The following RBPJ variants were observed in gnomAD, a reference collection of about 807,000 sequenced individuals.
The protein encoded by RBPJ is recombining binding protein suppressor of hairless.
In RBPJ, 9 loss-of-function variants were observed where a neutral mutation model predicts 67.8. The observed-to-expected ratio is 0.13, with a 90% confidence interval of 0.08 to 0.23. RBPJ has a LOEUF of 0.23. Ranked by LOEUF, RBPJ falls within the 10% of genes least tolerant of loss-of-function variation. The pLI is 1.00. For synonymous variants in RBPJ, 198 were observed against 203.3 expected (o/e 0.97, Z 0.22); for missense variants, 305 against 595.6 (o/e 0.51, Z 5.08).
At chr4:26,329,283 G>A (rs536309252) in intron 1 of RBPJ, among the ~76,000 whole-genome samples, 3 of 152,266 alleles carry the variant, frequency 2.0e-5, no homozygotes, top group Non-Finnish European at 2.9e-5. Context: ...ATGAGCCACC[G>A]TTCCTGGCGG....
At position 26,434,718 on chromosome 4, in the gene RBPJ, C is replaced by T. The variant is rs1307268040; in HGVS notation, c.*3711C>T. On this transcript the variant is annotated 3_prime_UTR_variant, in exon 11 of 11. Coordinates refer to ENST00000355476, the MANE Select transcript of RBPJ (RefSeq NM_015874.6). ...CTTATTTCTTGTACCTTGCAGCATG[C>T]TCTACGCATTCAGTCCTTAAGGGGT... 1 of 152,180 alleles carries T rather than the reference C, an allele frequency of 6.6e-6. No individual in the cohort carries two copies. Among genetic ancestry groups the T allele is most frequent in the Non-Finnish European group, 1.5e-5 (1 of 68,026 alleles). The allele number at this position is 152,180 out of a possible 1,614,324, so 9.4% of individuals were successfully genotyped here.
the RBPJ span, among the ~76,000 whole-genome samples, chr4:26,109,481 T>TACACACACAC: frequency 7.6e-5 from 4 of 52,642 alleles, no homozygotes; most frequent in African/African-American, 1.9e-4. Context: ...TATATATATA[T>TACACACACAC]ATATATATAT....
chr4:26,415,077 T>C (rs1245627967), intron 3 of RBPJ, among the ~76,000 whole-genome samples: 1 of 152,204 alleles, frequency 6.6e-6, no homozygotes, highest in Admixed American at 6.5e-5. Flanking sequence ...TCATTAATGA[T>C]TGTGTCATTT....
chr4:26,397,044 T>C (rs1228709633), intron 2 of RBPJ, among the ~76,000 whole-genome samples: 1 of 152,248 alleles, frequency 6.6e-6, no homozygotes, highest in East Asian at 1.9e-4. Flanking sequence ...AACAAGGAGA[T>C]CTTAGTCTGG....
intron 1 of RBPJ, among the ~76,000 whole-genome samples, chr4:26,255,654 T>G (rs796601337): frequency 8.4e-4 from 119 of 142,124 alleles, no homozygotes; most frequent in Middle Eastern, 4.1e-3. Context: ...TACAAAAAAT[T>G]AGCCAGGCGT....
chr4:26,291,764 CAG>C (rs1383725097), intron 1 of RBPJ, among the ~76,000 whole-genome samples: 1 of 150,368 alleles, frequency 6.7e-6, no homozygotes, highest in Non-Finnish European at 1.5e-5. Context: ...TTAATAGAGA[CAG>C]GGTTTCACCA....
intron 1 of RBPJ, among the ~76,000 whole-genome samples, chr4:26,271,710 GATGAT>G (rs1021451490): frequency 6.6e-6 from 1 of 152,134 alleles, no homozygotes; most frequent in Non-Finnish European, 1.5e-5. Context: ...TCATTTTGGG[GATGAT>G]ATTTCCTGAA....
chr4:26,255,403 CAAAAAAAAA>C (rs766336628), intron 1 of RBPJ, among the ~76,000 whole-genome samples: 2 of 34,550 alleles, frequency 5.8e-5, no homozygotes, highest in African/African-American at 1.5e-4. Context: ...GACTCCGTCT[CAAAAAAAAA>C]AAAAAAAAAA....
chr4:26,323,500 T>C (rs1471544444), intron 1 of RBPJ, among the ~76,000 whole-genome samples: 1 of 152,192 alleles, frequency 6.6e-6, no homozygotes, highest in African/African-American at 2.4e-5. Context: ...TCTGGATGCG[T>C]TGTGGCTGGA....
chr4:26,324,403 T>A (rs1202516237), intron 1 of RBPJ, among the ~76,000 whole-genome samples: 2 of 38,018 alleles, frequency 5.3e-5, no homozygotes, highest in Non-Finnish European at 6.7e-5. Context: ...CGTGTGTGAG[T>A]GTGTGTGTGT....
At chr4:26,165,532 A>G (rs995495717) in intron 1 of RBPJ, among the ~76,000 whole-genome samples, 3 of 152,168 alleles carry the variant, frequency 2.0e-5, no homozygotes. Context: ...TAAATGTAAA[A>G]TGATTCTAGG....
At chr4:26,333,080 A>T (rs1295940177) in intron 1 of RBPJ, among the ~76,000 whole-genome samples, 4 of 152,194 alleles carry the variant, frequency 2.6e-5, no homozygotes, top group African/African-American at 9.7e-5. Context: ...GTCCACTTAT[A>T]TGTGGATTTT....
chr4:26,340,080 A>G (rs1725351719), intron 1 of RBPJ, among the ~76,000 whole-genome samples: 1 of 152,248 alleles, frequency 6.6e-6, no homozygotes, highest in Admixed American at 6.5e-5. Flanking sequence ...CATACTACTT[A>G]CCAGTACTAT....
chr4:26,369,913 C>T (rs1207079625), intron 1 of RBPJ, among the ~76,000 whole-genome samples: 2 of 152,122 alleles, frequency 1.3e-5, no homozygotes, highest in Non-Finnish European at 2.9e-5. Flanking sequence ...TTACATGCAG[C>T]CTGAACAAAC....
the RBPJ span, among the ~76,000 whole-genome samples, chr4:26,127,323 T>C: frequency 2.6e-5 from 4 of 152,178 alleles, no homozygotes; most frequent in Admixed American, 2.6e-4. Context: ...CCAATTCAAA[T>C]CACTGACAGT....
the RBPJ span, among the ~76,000 whole-genome samples, chr4:26,141,137 C>T: frequency 2.0e-5 from 3 of 152,216 alleles, no homozygotes; most frequent in Admixed American, 6.5e-5. Flanking sequence ...ATAATCCTAC[C>T]TACTTTCTGG....
chr4:26,350,489 A>G (rs1461129995), intron 1 of RBPJ, among the ~76,000 whole-genome samples: 1 of 152,120 alleles, frequency 6.6e-6, no homozygotes, highest in Non-Finnish European at 1.5e-5. Flanking sequence ...CTTAAAAGAG[A>G]CATCTGAACA....
At chr4:26,297,417 A>G (rs2109295805) in intron 1 of RBPJ, among the ~76,000 whole-genome samples, 1 of 152,190 alleles carries the variant, frequency 6.6e-6, no homozygotes. Flanking sequence ...GGGGGGATGT[A>G]TAGGGAGAAT....
chr4:26,247,556 A>G (rs1406300521), intron 1 of RBPJ, among the ~76,000 whole-genome samples: 6 of 152,000 alleles, frequency 3.9e-5, no homozygotes, highest in Admixed American at 3.3e-4. Context: ...GATTACAGGC[A>G]TGCGCCACCG....
Sources: allele counts gnomAD v4.1 joint callset (sites outside exome capture counted in the v4.1 genomes callset), GRCh38; gene constraint gnomAD v4.1.1; transcripts MANE v1.5; gene names NCBI Gene and HGNC (gene_info 2026-07-23, HGNC 2026-07-21).